Variants in NFATC3 observed in about 807,000 individuals in gnomAD.
The protein encoded by NFATC3 is nuclear factor of activated T-cells, cytoplasmic 3.
In NFATC3, 46 loss-of-function variants were observed where a neutral mutation model predicts 98.6. The ratio of observed to expected loss-of-function variants is 0.47; its 90% CI spans 0.37 to 0.60. The LOEUF (loss-of-function observed/expected upper bound fraction) is 0.60, where lower values mean the gene tolerates loss of function less well. Among genes scored for constraint, NFATC3 ranks in the 20% least tolerant of loss-of-function variants. The probability of loss-of-function intolerance (pLI) is 0.00; values close to 1 mark genes in which losing one functional copy is unlikely to be tolerated. For missense variants in NFATC3, 1,256 were observed against 1,295.5 expected (o/e 0.97, Z 0.47); for synonymous variants, 512 against 472.2 (o/e 1.08, Z -1.09).
At chr16:68,187,054 C>T (rs1434790195) in intron 8 of NFATC3, among the ~76,000 whole-genome samples, 1 of 152,190 alleles carries the variant, frequency 6.6e-6, no homozygotes, top group Non-Finnish European at 1.5e-5. Context: ...AAAGGGTGAG[C>T]AGAGTGGGAA....
chr16:68,206,994 C>T (rs563832102), intron 9 of NFATC3, among the ~76,000 whole-genome samples: 1 of 140,992 alleles, frequency 7.1e-6, no homozygotes, highest in Non-Finnish European at 1.5e-5. Flanking sequence ...AGTTGATGAA[C>T]GCATACATAT....
chr16:68,166,826 T>C lies in NFATC3; in HGVS notation c.1602-17T>C. 1 of 1,580,610 alleles carries C rather than the reference T, an allele frequency of 6.3e-7. No individual in the cohort carries two copies. The highest frequency in any genetic ancestry group is 1.1e-5 in the South Asian group (1 of 88,064). On this transcript the variant is annotated splice_polypyrimidine_tract_variant and intron_variant, in intron 4 of 9. Transcript: ENST00000346183. ...ATTATCAATAAACAAATTAAATTTT[T>C]GTATTTTTCTCTTTAGTATTGATTG... is the stretch of plus-strand genomic sequence containing the variant.
chr16:68,198,174 TG>T (rs2040753227), intron 9 of NFATC3, among the ~76,000 whole-genome samples: 1 of 152,004 alleles, frequency 6.6e-6, no homozygotes, highest in South Asian at 2.1e-4. Context: ...AAAAGTTACC[TG>T]GGCAGGGTAG....
intron 3 of NFATC3, among the ~76,000 whole-genome samples, chr16:68,156,619 A>G (rs1303484224): frequency 6.6e-6 from 1 of 152,176 alleles, no homozygotes; most frequent in African/African-American, 2.4e-5. Context: ...AACCTTTGAC[A>G]AAATTCAGCA....
At chr16:68,176,705 A>G (rs1314466860) in intron 6 of NFATC3, among the ~76,000 whole-genome samples, 1 of 152,186 alleles carries the variant, frequency 6.6e-6, no homozygotes. Context: ...TTTACTATGC[A>G]ATAACTGTGT....
intron 1 of NFATC3, among the ~76,000 whole-genome samples, chr16:68,120,299 C>T (rs961731351): frequency 2.0e-5 from 3 of 149,042 alleles, no homozygotes; most frequent in Non-Finnish European, 3.0e-5. Context: ...AAAAAAAGTC[C>T]GGGTGTGGTG....
chr16:68,171,388 A>G (rs2039452802), intron 5 of NFATC3, among the ~76,000 whole-genome samples: 1 of 152,026 alleles, frequency 6.6e-6, no homozygotes, highest in Admixed American at 6.6e-5. Flanking sequence ...CCTATTTAGA[A>G]CAGTAGAGAC....
chr16:68,184,092 C>A (rs2040066612), intron 8 of NFATC3, among the ~76,000 whole-genome samples: 1 of 149,782 alleles, frequency 6.7e-6, no homozygotes, highest in Non-Finnish European at 1.5e-5. Context: ...CCTCATATTT[C>A]TTTTCTTTAT....
At chr16:68,161,125 C>G (rs2038873539) in intron 4 of NFATC3, among the ~76,000 whole-genome samples, 1 of 152,212 alleles carries the variant, frequency 6.6e-6, no homozygotes, top group Admixed American at 6.5e-5. Context: ...ATAAGGTTAA[C>G]ATGCCCAACC....
At chr16:68,214,413 C>A in intron 9 of NFATC3, 1 of 1,614,020 alleles carries the variant, frequency 6.2e-7, no homozygotes, top group Non-Finnish European at 8.5e-7. Flanking sequence ...TGTCCAGCTC[C>A]TTTCTGGAGA....
At chr16:68,096,570 A>C (rs2035028934) in intron 1 of NFATC3, among the ~76,000 whole-genome samples, 1 of 152,248 alleles carries the variant, frequency 6.6e-6, no homozygotes, top group African/African-American at 2.4e-5. Flanking sequence ...TGGAGTAGAC[A>C]TATAAATGAC....
chr16:68,139,756 G>C (rs888453491), intron 3 of NFATC3, among the ~76,000 whole-genome samples: 3 of 152,144 alleles, frequency 2.0e-5, no homozygotes, highest in Non-Finnish European at 4.4e-5. Context: ...TACATTCAAA[G>C]CAGTTTGCTA....
chr16:68,181,643 A>G lies in NFATC3; in HGVS notation c.1971+113A>G, dbSNP rs2039952922. The stretch of plus-strand genomic sequence containing the variant: ...TTGTATATTGATTAATAAAAAAGTA[A>G]AATTAGGCTGGGCATGGTGGCTCAT... On this transcript the variant is annotated intron_variant, in intron 7 of 9. Coordinates refer to ENST00000346183, the MANE Select transcript of NFATC3 (RefSeq NM_173165.3). The G allele has an allele frequency of 3.2e-5, 24 of 761,558 alleles. No homozygotes were observed. The South Asian group carries it at 4.1e-4, about 13-fold the overall frequency. 47.2% of individuals were successfully genotyped at this position (761,558 alleles called of 1,614,324 possible). A position where few individuals can be genotyped will look rare whatever the true frequency, so the allele number is the denominator to read the frequency against.
Position 68,201,575 on chromosome 16 carries a change from A to G in NFATC3, c.3106+9800A>G, listed in dbSNP as rs576110741. On this transcript the variant is annotated intron_variant, in intron 9 of 9. Coordinates refer to ENST00000346183, the MANE Select transcript of NFATC3 (RefSeq NM_173165.3). ...CGTGAGCCACTGTGCCCGTTTGTCA[A>G]GCTGTTTTAAACATTTTAATTAAGA... is the stretch of plus-strand genomic sequence containing the variant. Among the ~76,000 whole-genome samples the G allele has an allele frequency of 3.3e-4, 50 of 151,644 alleles. No individual in the cohort carries two copies. In the East Asian group the frequency reaches 6.1e-3, roughly 18 times the overall value.
Position 68,122,692 on chromosome 16 carries a change from C to A in NFATC3, c.809C>A (p.Pro270His), listed in dbSNP as rs1367803957. 1 of 1,614,192 alleles carries A rather than the reference C, an allele frequency of 6.2e-7. No individual in the cohort carries two copies. Among genetic ancestry groups the A allele is most frequent in the East Asian group, 2.2e-5 (1 of 44,870 alleles). Residue 270 changes from proline to histidine, a missense_variant, in exon 2 of 10, where the codon CCC (proline) becomes CAC (histidine). Physicochemically the swap from Pro to His is moderately conservative, Grantham distance 77. Coordinates refer to ENST00000346183, the MANE Select transcript of NFATC3 (RefSeq NM_173165.3). ...ASGPSSRPTS[P>H]CGKRRHSSAE... The stretch of plus-strand genomic sequence containing the variant: ...GGACCCTCATCAAGGCCCACATCCC[C>A]CTGTGGGAAACGGAGGCACTCCAGT...
intron 9 of NFATC3, chr16:68,192,325 A>C (rs1226987720): frequency 7.1e-6 from 1 of 141,098 alleles, no homozygotes; most frequent in African/African-American, 2.6e-5. Flanking sequence ...ATGTGTATAT[A>C]TATATATAGA....
At chr16:68,224,700 A>T (rs1403002449) in intron 9 of NFATC3, 3 of 149,466 alleles carry the variant, frequency 2.0e-5, no homozygotes, top group Non-Finnish European at 4.4e-5. Flanking sequence ...AGTAAATATT[A>T]GTTCCTTCTC....
chr16:68,210,444 C>T (rs113790673), intron 9 of NFATC3, among the ~76,000 whole-genome samples: 17,863 of 152,106 alleles, frequency 0.12, 1,215 homozygotes, highest in South Asian at 0.2. Flanking sequence ...GCACACCAGC[C>T]TTGGTGACAG....
intron 4 of NFATC3, among the ~76,000 whole-genome samples, chr16:68,162,213 T>G (rs1053730068): frequency 1.4e-4 from 22 of 152,226 alleles, no homozygotes; most frequent in African/African-American, 5.3e-4. Context: ...AAGGATTAAA[T>G]AAGGGGCAAC....
Sources: gnomAD v4.1 joint callset for allele counts (sites outside exome capture counted in the v4.1 genomes callset) on GRCh38, gnomAD v4.1.1 for gene constraint, MANE v1.5 for transcripts, NCBI Gene and HGNC (gene_info 2026-07-23, HGNC 2026-07-21) for gene names.